Variants in SCARA5 observed in about 807,000 individuals in gnomAD.
The protein encoded by SCARA5 is scavenger receptor class A member 5.
In SCARA5, 45 loss-of-function variants were observed where a neutral mutation model predicts 46.3. The ratio of observed to expected loss-of-function variants is 0.97; its 90% CI spans 0.76 to 1.24. The LOEUF is 1.24. SCARA5 is among the 50% of genes most tolerant of loss of function. The pLI is 0.00. For synonymous variants in SCARA5, 333 were observed against 306.5 expected (o/e 1.09, Z -0.90); for missense variants, 680 against 689.0 (o/e 0.99, Z 0.15).
chr8:27,947,014 C>CA (rs1472171321), intron 3 of SCARA5, among the ~76,000 whole-genome samples: 1 of 138,394 alleles, frequency 7.2e-6, no homozygotes, highest in Admixed American at 7.2e-5. Context: ...TCCTGTTGGG[C>CA]TTTTTTTTTT....
At chr8:27,928,756 C>T (rs879714836) in intron 3 of SCARA5, among the ~76,000 whole-genome samples, 2 of 151,902 alleles carry the variant, frequency 1.3e-5, no homozygotes, top group Non-Finnish European at 2.9e-5. Context: ...ACCTCCACCT[C>T]CTGGGTTCAA....
At chr8:27,938,013 G>A (rs566230482) in intron 3 of SCARA5, among the ~76,000 whole-genome samples, 44 of 152,286 alleles carry the variant, frequency 2.9e-4, no homozygotes, top group African/African-American at 8.7e-4. Flanking sequence ...CATAACTAGC[G>A]GTTAGGGAGG....
intron 1 of SCARA5, among the ~76,000 whole-genome samples, chr8:27,989,967 C>T (rs1431379377): frequency 4.6e-5 from 7 of 152,266 alleles, no homozygotes; most frequent in African/African-American, 1.7e-4. Flanking sequence ...CTGCAATAAC[C>T]CTCCCTCTGC....
chr8:27,963,229 C>T (rs1276308769), intron 3 of SCARA5, among the ~76,000 whole-genome samples: 1 of 152,162 alleles, frequency 6.6e-6, no homozygotes, highest in Non-Finnish European at 1.5e-5. Flanking sequence ...TCCCTCTGAC[C>T]CCTTAATTCT....
Position 27,871,352 on chromosome 8 carries a change from G to T in SCARA5, c.*582C>A. The T allele has an allele frequency of 1.3e-6, 1 of 751,724 alleles. No individual in the cohort carries two copies. Among genetic ancestry groups the T allele is most frequent in the Non-Finnish European group, 1.6e-6 (1 of 616,564 alleles). 46.6% of individuals were successfully genotyped at this position (751,724 alleles called of 1,614,324 possible). A position where few individuals can be genotyped will look rare whatever the true frequency, so the allele number is the denominator to read the frequency against. ...CAAATCTAGCTGGATTCCTGCAGGT[G>T]ACTTGCATTTCCCTCTTGCCCCTAC... is the stretch of plus-strand genomic sequence containing the variant. On this transcript the variant is annotated 3_prime_UTR_variant, in exon 9 of 9. Transcript: ENST00000354914.
intron 3 of SCARA5, among the ~76,000 whole-genome samples, chr8:27,926,486 T>C (rs1374191577): frequency 1.3e-5 from 2 of 152,132 alleles, no homozygotes. Context: ...TTAGGAGATA[T>C]ACCTAATGTA....
chr8:27,871,330 ATCTAGCTGGAT>A lies in SCARA5; in HGVS notation c.*593_*603del. 1.7e-6 allele frequency: 1 copy of A among 586,620 alleles called. No individual in the cohort carries two copies. Among genetic ancestry groups the A allele is most frequent in the Non-Finnish European group, 2.1e-6 (1 of 465,630 alleles). The allele number at this position is 586,620 out of a possible 1,614,324, so 36.3% of individuals were successfully genotyped here. ...ATGTTAGTTTCATTCCCTTCTCCAA[ATCTAGCTGGAT>A]TCCTGCAGGTGACTTGCATTTCCCT... On this transcript the variant is annotated 3_prime_UTR_variant, in exon 9 of 9. Coordinates refer to ENST00000354914, the MANE Select transcript of SCARA5 (RefSeq NM_173833.6).
chr8:27,987,056 C>T (rs1305575564), intron 2 of SCARA5, among the ~76,000 whole-genome samples: 1 of 152,214 alleles, frequency 6.6e-6, no homozygotes, highest in East Asian at 1.9e-4. Flanking sequence ...AGACCAGGGC[C>T]TTGCACCCAG....
chr8:27,920,496 C>T (rs1807564952), intron 4 of SCARA5, among the ~76,000 whole-genome samples: 1 of 151,860 alleles, frequency 6.6e-6, no homozygotes, highest in Non-Finnish European at 1.5e-5. Context: ...CACCTGTAAT[C>T]CTAGCTACTC....
intron 3 of SCARA5, among the ~76,000 whole-genome samples, chr8:27,929,373 G>C (rs1451551827): frequency 6.6e-6 from 1 of 152,116 alleles, no homozygotes; most frequent in East Asian, 1.9e-4. Flanking sequence ...CAATACATCA[G>C]GTGTCCCTAC....
intron 3 of SCARA5, among the ~76,000 whole-genome samples, chr8:27,939,765 A>T (rs1482111961): frequency 1.3e-5 from 2 of 152,150 alleles, no homozygotes; most frequent in Admixed American, 1.3e-4. Context: ...GTTTCATGGG[A>T]TCCTCTGAGG....
chr8:27,872,804 C>T (rs1290465012), intron 8 of SCARA5, among the ~76,000 whole-genome samples: 2 of 152,216 alleles, frequency 1.3e-5, no homozygotes, highest in African/African-American at 2.4e-5. Flanking sequence ...AAATAAAGAA[C>T]AGTTCCAAGG....
At chr8:27,916,968 G>A (rs1807472361) in intron 4 of SCARA5, among the ~76,000 whole-genome samples, 1 of 152,124 alleles carries the variant, frequency 6.6e-6, no homozygotes, top group Non-Finnish European at 1.5e-5. Context: ...TCCTTACAAA[G>A]AGGACTCCAG....
At chr8:27,928,261 C>A (rs1037163814) in intron 3 of SCARA5, among the ~76,000 whole-genome samples, 1 of 152,184 alleles carries the variant, frequency 6.6e-6, no homozygotes, top group Non-Finnish European at 1.5e-5. Context: ...ATGCAAACAG[C>A]TCATTTATCT....
chr8:27,926,308 A>G (rs951511757), intron 3 of SCARA5, among the ~76,000 whole-genome samples: 6 of 152,194 alleles, frequency 3.9e-5, no homozygotes, highest in Admixed American at 3.3e-4. Flanking sequence ...GGACATGGAT[A>G]AAGCTGGAAA....
rs556381220 is a variant in SCARA5, at chr8:27,882,759, C to G, written c.1154-2993G>C. ...ATATGCCACTAAGAAGGAAAAATCTCTGCTGGGTAGGTGGCAAATTATATC... is the reference window on the plus strand; with the variant it reads ...ATATGCCACTAAGAAGGAAAAATCTGTGCTGGGTAGGTGGCAAATTATATC... On this transcript the variant is annotated intron_variant, in intron 7 of 8. Coordinates refer to ENST00000354914, the MANE Select transcript of SCARA5 (RefSeq NM_173833.6). 2.0e-5 allele frequency among the ~76,000 whole-genome samples: 3 copies of G among 152,322 alleles called. No individual in the cohort carries two copies. In the East Asian group the frequency reaches 5.8e-4, roughly 29 times the overall value.
At chr8:27,881,908 C>T (rs1275158175) in intron 7 of SCARA5, among the ~76,000 whole-genome samples, 1 of 152,174 alleles carries the variant, frequency 6.6e-6, no homozygotes, top group African/African-American at 2.4e-5. Flanking sequence ...TTTGGGTTCA[C>T]TTTTGGTGCT....
chr8:27,922,048 G>A lies in SCARA5; in HGVS notation c.439C>T (p.Gln147Ter). ...CCCCACAGCGCGCCCTCCAGCCGCT[G>A]CACTGCGCCCGCCAGCGCCAGCAAC... Reference protein sequence around the residue: ...DSLLALAGAVQRLEGALWGLQ... With the variant: ...DSLLALAGAV Residue 147 changes from glutamine to a stop codon, truncating the protein, a stop_gained, in exon 4 of 9, where the codon CAG becomes TAG. Coordinates refer to ENST00000354914, the MANE Select transcript of SCARA5 (RefSeq NM_173833.6). LOFTEE classifies it high-confidence loss of function. The A allele has an allele frequency of 6.3e-7, 1 of 1,577,720 alleles. No individual in the cohort carries two copies. Among genetic ancestry groups the A allele is most frequent in the Non-Finnish European group, 8.6e-7 (1 of 1,166,766 alleles).
chr8:27,976,417 A>G (rs1249662082), intron 2 of SCARA5, among the ~76,000 whole-genome samples: 1 of 152,158 alleles, frequency 6.6e-6, no homozygotes, highest in Non-Finnish European at 1.5e-5. Flanking sequence ...GAAGATTCCC[A>G]GTTCCCCTCC....
Sources: gnomAD v4.1 joint callset for allele counts (sites outside exome capture counted in the v4.1 genomes callset) on GRCh38, gnomAD v4.1.1 for gene constraint, MANE v1.5 for transcripts, NCBI Gene and HGNC (gene_info 2026-07-23, HGNC 2026-07-21) for gene names.